The following KAZN variants were observed in gnomAD, a reference collection of about 807,000 sequenced individuals.
The protein encoded by KAZN is kazrin.
Under a neutral mutation model 87.4 loss-of-function variants are expected in KAZN, and 40 were observed. The ratio of observed to expected loss-of-function variants is 0.46; its 90% CI spans 0.36 to 0.60. The LOEUF (loss-of-function observed/expected upper bound fraction) is 0.60, where lower values mean the gene tolerates loss of function less well. Ranked by LOEUF, KAZN falls within the 20% of genes least tolerant of loss-of-function variation. The pLI, the probability that KAZN is intolerant of heterozygous loss-of-function variation, is 0.00. For missense variants in KAZN, 898 were observed against 1,073.9 expected, an observed-to-expected ratio of 0.84 and a Z score of 2.29; for synonymous variants, 466 against 458.3, an observed-to-expected ratio of 1.02 and a Z score of -0.22.
At position 13,928,838 on chromosome 1, in the gene KAZN, G is replaced by A. The variant is rs1055601081; in HGVS notation, c.91+35082G>A. On this transcript the variant is annotated intron_variant, in intron 1 of 16. Transcript: ENST00000636203. ...GAGTGAAAAACAAAATGCTCCATTT[G>A]AAGAAATCTTTTTTTTTTTTCCCTG... 3.4e-5 allele frequency among the ~76,000 whole-genome samples: 5 copies of A among 146,118 alleles called. No individual in the cohort carries two copies. In the South Asian group the frequency reaches 1.1e-3, roughly 34 times the overall value.
intron 8 of KAZN, among the ~76,000 whole-genome samples, chr1:15,082,160 G>T (rs1640033591): frequency 6.6e-6 from 1 of 150,480 alleles, no homozygotes; most frequent in African/African-American, 2.4e-5. Flanking sequence ...AGGTCCAAGT[G>T]CTCAGCCCCC....
At chr1:14,281,959 C>T (rs1652870563) in intron 2 of KAZN, among the ~76,000 whole-genome samples, 1 of 152,136 alleles carries the variant, frequency 6.6e-6, no homozygotes, top group Non-Finnish European at 1.5e-5. Flanking sequence ...GACCCCAGTT[C>T]CAATATCCCA....
At chr1:14,544,937 G>A (rs1673049576) in intron 2 of KAZN, among the ~76,000 whole-genome samples, 1 of 152,022 alleles carries the variant, frequency 6.6e-6, no homozygotes, top group South Asian at 2.1e-4. Context: ...CCAGCCCTGT[G>A]CTCTGTGAGT....
intron 1 of KAZN, among the ~76,000 whole-genome samples, chr1:14,732,202 A>G (rs1643708638): frequency 6.6e-6 from 1 of 152,174 alleles, no homozygotes; most frequent in Admixed American, 6.5e-5. Context: ...GGCCGTTGCT[A>G]TGATTAAAAA....
intron 2 of KAZN, among the ~76,000 whole-genome samples, chr1:14,550,738 T>TCTCTCTCCGC (rs1329797253): frequency 2.6e-5 from 1 of 37,968 alleles, no homozygotes; most frequent in Non-Finnish European, 5.3e-5. Context: ...TCTCTCTCTC[T>TCTCTCTCCGC]CCCCCACCCC....
At chr1:14,838,541 C>G (rs1327189578) in intron 1 of KAZN, among the ~76,000 whole-genome samples, 1 of 152,164 alleles carries the variant, frequency 6.6e-6, no homozygotes, top group East Asian at 1.9e-4. Flanking sequence ...CAAAACCATG[C>G]TCAATTAGGT....
At chr1:14,418,901 G>A (rs1385819033) in intron 2 of KAZN, among the ~76,000 whole-genome samples, 1 of 152,240 alleles carries the variant, frequency 6.6e-6, no homozygotes, top group Non-Finnish European at 1.5e-5. Context: ...TGCATCTGCA[G>A]AAATGATGGC....
At chr1:14,374,087 A>G in intron 2 of KAZN, among the ~76,000 whole-genome samples, 1 of 152,168 alleles carries the variant, frequency 6.6e-6, no homozygotes, top group East Asian at 1.9e-4. Flanking sequence ...CTCTCCTGCA[A>G]CTTTGCTACC....
intron 2 of KAZN, among the ~76,000 whole-genome samples, chr1:14,394,953 T>G (rs1662770478): frequency 6.6e-6 from 1 of 152,178 alleles, no homozygotes; most frequent in Admixed American, 6.5e-5. Flanking sequence ...TACTTTGCAC[T>G]GCTGTGATGG....
intron 1 of KAZN, among the ~76,000 whole-genome samples, chr1:14,824,209 T>A (rs751855852): frequency 7.9e-5 from 12 of 151,632 alleles, no homozygotes; most frequent in Non-Finnish European, 1.6e-4. Context: ...ATGGGAGGCC[T>A]GGTTAGATCC....
intron 2 of KAZN, among the ~76,000 whole-genome samples, chr1:14,587,903 T>C (rs1353173395): frequency 6.6e-6 from 1 of 152,094 alleles, no homozygotes; most frequent in African/African-American, 2.4e-5. Context: ...CAGGTGTGTA[T>C]ATGAATCCCA....
At chr1:14,565,121 T>C (rs1674481044) in intron 2 of KAZN, among the ~76,000 whole-genome samples, 1 of 152,116 alleles carries the variant, frequency 6.6e-6, no homozygotes, top group South Asian at 2.1e-4. Flanking sequence ...ACCCATACAG[T>C]TGGAGACCCC....
At chr1:14,386,410 A>C (rs377323613) in intron 2 of KAZN, among the ~76,000 whole-genome samples, 9 of 151,482 alleles carry the variant, frequency 5.9e-5, no homozygotes, top group Non-Finnish European at 8.8e-5. Flanking sequence ...TCCTAGTCTC[A>C]ATGGTCTTTA....
At chr1:14,287,774 G>A (rs140383177) in intron 2 of KAZN, among the ~76,000 whole-genome samples, 83 of 152,322 alleles carry the variant, frequency 5.4e-4, no homozygotes, top group Middle Eastern at 3.4e-3. Context: ...CAAAGGGAAT[G>A]CTTCTAGCTT....
At chr1:14,060,397 A>G (rs1294145793) in intron 1 of KAZN, among the ~76,000 whole-genome samples, 1 of 150,462 alleles carries the variant, frequency 6.6e-6, no homozygotes, top group Non-Finnish European at 1.5e-5. Context: ...TGAGGGTTTC[A>G]TGTTCCCTAC....
At chr1:14,488,586 A>G (rs1214952365) in intron 2 of KAZN, among the ~76,000 whole-genome samples, 5 of 152,214 alleles carry the variant, frequency 3.3e-5, no homozygotes, top group Admixed American at 1.3e-4. Flanking sequence ...AAAGAGCACA[A>G]TTAAAGCATT....
At chr1:14,891,134 G>A (rs1490757567) in intron 1 of KAZN, among the ~76,000 whole-genome samples, 4 of 152,062 alleles carry the variant, frequency 2.6e-5, no homozygotes, top group South Asian at 4.2e-4. Context: ...GTGAGCCACC[G>A]CGCCTGGCAG....
chr1:14,095,241 G>A (rs1644101616), intron 1 of KAZN, among the ~76,000 whole-genome samples: 1 of 152,182 alleles, frequency 6.6e-6, no homozygotes, highest in Non-Finnish European at 1.5e-5. Flanking sequence ...GAGCCACATG[G>A]CCCATTTCAT....
At chr1:14,518,926 T>A (rs1190658513) in intron 2 of KAZN, among the ~76,000 whole-genome samples, 2 of 152,132 alleles carry the variant, frequency 1.3e-5, no homozygotes, top group Admixed American at 1.3e-4. Context: ...GAAGCAGGGA[T>A]GGAAGGCAAG....
Sources: gnomAD v4.1 joint callset for allele counts (sites outside exome capture counted in the v4.1 genomes callset) on GRCh38, gnomAD v4.1.1 for gene constraint, MANE v1.5 for transcripts, NCBI Gene and HGNC (gene_info 2026-07-23, HGNC 2026-07-21) for gene names.